The following KATNAL2 variants were observed in gnomAD, a reference collection of about 807,000 sequenced individuals.
The protein encoded by KATNAL2 is katanin catalytic subunit A1 like 2.
Under a neutral mutation model 76.3 loss-of-function variants are expected in KATNAL2, and 52 were observed. The ratio of observed to expected loss-of-function variants is 0.68; its 90% CI spans 0.55 to 0.86. The LOEUF (loss-of-function observed/expected upper bound fraction) is 0.86, where lower values mean the gene tolerates loss of function less well. Among genes scored for constraint, KATNAL2 ranks in the 40% least tolerant of loss-of-function variants. The pLI is 0.00. For missense variants in KATNAL2, 660 were observed against 668.9 expected (o/e 0.99, Z 0.15); for synonymous variants, 243 against 244.2 (o/e 1.00, Z 0.05).
chr18:46,965,583 C>CCCG (rs1215041590), intron 3 of KATNAL2, among the ~76,000 whole-genome samples: 694 of 73,964 alleles, frequency 9.4e-3, no homozygotes, highest in South Asian at 0.018. Context: ...GCATCCCCGC[C>CCCG]CCCCCCCCCC....
chr18:47,037,864 A>G (rs1322715264), intron 3 of KATNAL2, among the ~76,000 whole-genome samples: 1 of 122,878 alleles, frequency 8.1e-6, no homozygotes, highest in Non-Finnish European at 1.7e-5. Flanking sequence ...TTTTTTTTTT[A>G]TTAGAGATGG....
intron 3 of KATNAL2, among the ~76,000 whole-genome samples, chr18:47,037,791 T>G (rs998818): frequency 9.9e-5 from 15 of 152,170 alleles, no homozygotes; most frequent in Non-Finnish European, 2.2e-4. Context: ...CACATTATTA[T>G]TTTAAGACCT....
chr18:47,077,528 A>C, intron 15 of KATNAL2, 67 bp downstream of exon 15: 2 of 1,103,048 alleles, frequency 1.8e-6, no homozygotes, highest in South Asian at 1.3e-5. Context: ...TAAAAATTTT[A>C]TATTGACCAC....
chr18:47,072,682 T>TC (rs1452731288), intron 13 of KATNAL2, among the ~76,000 whole-genome samples: 1 of 151,640 alleles, frequency 6.6e-6, no homozygotes, highest in East Asian at 2.0e-4. Context: ...CAAGCAATCC[T>TC]CCCGCCTTGG....
intron 15 of KATNAL2, among the ~76,000 whole-genome samples, chr18:47,080,371 TTGAGTG>T: frequency 6.6e-6 from 1 of 152,322 alleles, no homozygotes; most frequent in Admixed American, 6.5e-5. Flanking sequence ...TTCAATGGTT[TTGAGTG>T]TATTTAGGGT....
At chr18:46,929,685 C>A (rs912502878) in intron 1 of KATNAL2, among the ~76,000 whole-genome samples, 36 of 152,192 alleles carry the variant, frequency 2.4e-4, no homozygotes, top group African/African-American at 7.9e-4. Context: ...TTATACGGGG[C>A]ATTTTATAGA....
intron 8 of KATNAL2, among the ~76,000 whole-genome samples, chr18:47,060,564 T>C (rs1288061944): frequency 2.0e-5 from 3 of 152,232 alleles, no homozygotes; most frequent in African/African-American, 4.8e-5. Context: ...AATTTGGAAA[T>C]GAATTGCACC....
chr18:46,945,348 G>A lies in KATNAL2; in HGVS notation c.-509-709G>A, dbSNP rs1026874619. On this transcript the variant is annotated intron_variant, in intron 1 of 17. Coordinates refer to ENST00000683218, the MANE Select transcript of KATNAL2 (RefSeq NM_001387690.1). ...AGGTTAAGTATAGTGATTGTTAGAA[G>A]AAAACGCCATTGAGTTATCCTAGAA... is the stretch of plus-strand genomic sequence containing the variant. 1.3e-5 allele frequency among the ~76,000 whole-genome samples: 2 copies of A among 152,360 alleles called. 1 individual carries two copies. The highest frequency in any genetic ancestry group is 4.1e-4 in the South Asian group (2 of 4,828).
At chr18:46,919,483 T>C in intron 1 of KATNAL2, among the ~76,000 whole-genome samples, 1 of 140,982 alleles carries the variant, frequency 7.1e-6, no homozygotes, top group South Asian at 2.3e-4. Flanking sequence ...CGAAACTCCA[T>C]CTCAAAAAAA....
chr18:47,057,349 T>C (rs1013685387), intron 6 of KATNAL2, among the ~76,000 whole-genome samples: 1 of 152,216 alleles, frequency 6.6e-6, no homozygotes, highest in Non-Finnish European at 1.5e-5. Context: ...CTGGATGGCA[T>C]CTTCTACAGA....
At chr18:47,034,746 C>T in intron 3 of KATNAL2, 3 of 1,612,790 alleles carry the variant, frequency 1.9e-6, no homozygotes, top group East Asian at 2.2e-5. Flanking sequence ...GAGCTGTGCG[C>T]GTTGGAGAGG....
At chr18:47,071,792 C>A (rs1211311228) in intron 13 of KATNAL2, among the ~76,000 whole-genome samples, 1 of 151,502 alleles carries the variant, frequency 6.6e-6, no homozygotes, top group African/African-American at 2.4e-5. Context: ...CAAGAATTAT[C>A]CATCCTGTGT....
At chr18:47,037,516 C>T (rs571907334) in intron 3 of KATNAL2, among the ~76,000 whole-genome samples, 24 of 152,130 alleles carry the variant, frequency 1.6e-4, no homozygotes, top group Admixed American at 5.2e-4. Flanking sequence ...ATCCTTTTTG[C>T]GGGGAATGGC....
At chr18:46,949,410 A>G (rs1317357594) in intron 3 of KATNAL2, among the ~76,000 whole-genome samples, 2 of 151,970 alleles carry the variant, frequency 1.3e-5, no homozygotes, top group African/African-American at 4.8e-5. Context: ...GTACCATCAC[A>G]CGTGGTTAAA....
chr18:47,070,159 C>T (rs1333446574), intron 13 of KATNAL2, among the ~76,000 whole-genome samples: 1 of 146,202 alleles, frequency 6.8e-6, no homozygotes, highest in Admixed American at 7.0e-5. Flanking sequence ...TGCAATGGTG[C>T]GATCTTGGCT....
chr18:47,102,132 CGATT>C lies in KATNAL2; in HGVS notation c.*1128_*1131del, dbSNP rs1208191337. On this transcript the variant is annotated 3_prime_UTR_variant, in exon 18 of 18. Coordinates refer to ENST00000683218, the MANE Select transcript of KATNAL2 (RefSeq NM_001387690.1). ...AAAACCAAAGCATTTTTTTCGGTATCGATTATTTTGAGATTATTCTCAAATGCCT... is the reference window on the plus strand; with the variant it reads ...AAAACCAAAGCATTTTTTTCGGTATCATTTTGAGATTATTCTCAAATGCCT... The C allele has an allele frequency of 6.6e-6, 1 of 152,026 alleles. No homozygotes were observed. Among genetic ancestry groups the C allele is most frequent in the Non-Finnish European group, 1.5e-5 (1 of 68,000 alleles). 9.4% of individuals were successfully genotyped at this position (152,026 alleles called of 1,614,324 possible).
At chr18:47,051,216 A>G (rs2061331422) in intron 4 of KATNAL2, among the ~76,000 whole-genome samples, 1 of 152,150 alleles carries the variant, frequency 6.6e-6, no homozygotes, top group South Asian at 2.1e-4. Context: ...ACTTGAGACC[A>G]GACGTTCGGG....
At chr18:46,935,031 A>G (rs560615218) in intron 1 of KATNAL2, among the ~76,000 whole-genome samples, 6 of 152,342 alleles carry the variant, frequency 3.9e-5, no homozygotes, top group African/African-American at 1.4e-4. Context: ...GTCAAAAATT[A>G]GCAGACCATA....
At chr18:46,969,062 T>TGC (rs769815783) in intron 3 of KATNAL2, 241,974 of 1,088,360 alleles carry the variant, frequency 0.22, 3,778 homozygotes, top group Non-Finnish European at 0.25. Context: ...TCGCAGCCGC[T>TGC]GCTCTCGGGC....
Sources: allele counts gnomAD v4.1 joint callset (sites outside exome capture counted in the v4.1 genomes callset), GRCh38; gene constraint gnomAD v4.1.1; transcripts MANE v1.5; gene names NCBI Gene and HGNC (gene_info 2026-07-23, HGNC 2026-07-21).